CAMTA1: variants seen among roughly 807,000 people sequenced by gnomAD.
The protein encoded by CAMTA1 is calmodulin binding transcription activator 1, also known as calmodulin-binding transcription activator 1.
Under a neutral mutation model 170.9 loss-of-function variants are expected in CAMTA1, and 27 were observed. The observed-to-expected ratio is 0.16, with a 90% CI of 0.12 to 0.22. The LOEUF is 0.22. Ranked by LOEUF, CAMTA1 falls within the 10% of genes least tolerant of loss-of-function variation. The probability of loss-of-function intolerance (pLI) is 1.00; values close to 1 mark genes in which losing one functional copy is unlikely to be tolerated. For missense variants in CAMTA1, 1,619 were observed against 2,217.2 expected (o/e 0.73, Z 5.42); for synonymous variants, 833 against 891.5 (o/e 0.93, Z 1.17).
At chr1:7,483,092 G>A (rs2149642243) in intron 6 of CAMTA1, among the ~76,000 whole-genome samples, 1 of 152,284 alleles carries the variant, frequency 6.6e-6, no homozygotes, top group South Asian at 2.1e-4. Context: ...TCAGGAAGCT[G>A]GGCCCCAGCA....
chr1:7,445,591 G>T (rs2092660089), intron 5 of CAMTA1, among the ~76,000 whole-genome samples: 1 of 152,184 alleles, frequency 6.6e-6, no homozygotes, highest in Admixed American at 6.5e-5. Context: ...TCCCCTCCCA[G>T]GTGGAAAGAC....
chr1:6,937,317 AC>A, intron 3 of CAMTA1, among the ~76,000 whole-genome samples: 1 of 148,954 alleles, frequency 6.7e-6, no homozygotes, highest in South Asian at 2.1e-4. Flanking sequence ...CACCATCATC[AC>A]CATCACCATC....
In CAMTA1 at chr1:6,934,524, A is replaced by C. The variant is rs989535040; in HGVS notation, c.234+109314A>C. On this transcript the variant is annotated intron_variant, in intron 3 of 22. Coordinates refer to ENST00000303635, the MANE Select transcript of CAMTA1 (RefSeq NM_015215.4). This position sits in a 1 kb window ranked among gnomAD's most constrained non-coding sequence, Gnocchi z 4.5. ...ATTCCTTTGAGGAGGAGAGAAAAGGAACTTGGCCACTGTGGACCCGCTTGG... is the reference window on the plus strand; with the variant it reads ...ATTCCTTTGAGGAGGAGAGAAAAGGCACTTGGCCACTGTGGACCCGCTTGG... Among the ~76,000 whole-genome samples, 1 of 152,030 alleles carries C rather than the reference A, an allele frequency of 6.6e-6. No individual in the cohort carries two copies. The highest frequency in any genetic ancestry group is 6.6e-5 in the Admixed American group (1 of 15,256).
At chr1:7,071,718 T>C (rs893642770) in intron 3 of CAMTA1, among the ~76,000 whole-genome samples, 1 of 152,224 alleles carries the variant, frequency 6.6e-6, no homozygotes, top group Admixed American at 6.5e-5. Flanking sequence ...TGGGCTCCTA[T>C]TGGATCATTC....
intron 6 of CAMTA1, among the ~76,000 whole-genome samples, chr1:7,487,471 C>A (rs761936675): frequency 6.6e-6 from 1 of 152,246 alleles, no homozygotes; most frequent in Non-Finnish European, 1.5e-5. Flanking sequence ...TATTGCACTG[C>A]AGTGGCATTT....
chr1:7,523,879 T>C (rs770564987), intron 6 of CAMTA1, among the ~76,000 whole-genome samples: 106 of 136,948 alleles, frequency 7.7e-4, no homozygotes, highest in Middle Eastern at 5.7e-3. Context: ...TGAGACTCTA[T>C]CTCGAAAAAA....
At chr1:7,357,405 T>G (rs1252643778) in intron 5 of CAMTA1, among the ~76,000 whole-genome samples, 1 of 152,192 alleles carries the variant, frequency 6.6e-6, no homozygotes, top group Non-Finnish European at 1.5e-5. Context: ...GGAACTGAGT[T>G]GCCCCCTTGC....
chr1:6,865,529 C>CCT (rs1666296160), intron 3 of CAMTA1, among the ~76,000 whole-genome samples: 1 of 152,190 alleles, frequency 6.6e-6, no homozygotes, highest in Non-Finnish European at 1.5e-5. Context: ...TTGAGCTTAA[C>CCT]CTCTACCCGT....
chr1:7,254,844 C>T lies in CAMTA1; in HGVS notation c.438+5218C>T, dbSNP rs185286804. On this transcript the variant is annotated intron_variant, in intron 5 of 22. Transcript: ENST00000303635. ...GCCACTGGAAAACATTTTAAATAGC[C>T]AGCCATGAACATGTATGGTGCCCAA... Among the ~76,000 whole-genome samples the T allele has an allele frequency of 5.5e-4, 84 of 152,242 alleles. 1 individual carries two copies. The highest frequency in any genetic ancestry group is 8.5e-4 in the Admixed American group (13 of 15,284).
intron 5 of CAMTA1, among the ~76,000 whole-genome samples, chr1:7,377,808 C>T (rs1242054610): frequency 6.6e-6 from 1 of 152,074 alleles, no homozygotes; most frequent in African/African-American, 2.4e-5. Context: ...GTAATCCCAG[C>T]TACAGGGGAG....
intron 1 of CAMTA1, among the ~76,000 whole-genome samples, chr1:6,789,029 T>C (rs937562967): frequency 5.3e-5 from 8 of 152,202 alleles, no homozygotes; most frequent in African/African-American, 1.9e-4. Context: ...ACCTCCAGTT[T>C]TTGGGACTAG....
intron 6 of CAMTA1, among the ~76,000 whole-genome samples, chr1:7,574,219 G>A (rs1576164024): frequency 7.0e-6 from 1 of 143,608 alleles, no homozygotes; most frequent in African/African-American, 3.0e-5. Flanking sequence ...CGAGCTCTGA[G>A]CCAAGGGCTG....
intron 4 of CAMTA1, among the ~76,000 whole-genome samples, chr1:7,148,044 AC>A (rs1276291865): frequency 6.6e-6 from 1 of 151,672 alleles, no homozygotes; most frequent in Non-Finnish European, 1.5e-5. Flanking sequence ...ACACTCATAC[AC>A]CATGCACGTA....
At chr1:7,429,310 C>G (rs556028247) in intron 5 of CAMTA1, among the ~76,000 whole-genome samples, 1 of 152,122 alleles carries the variant, frequency 6.6e-6, no homozygotes, top group African/African-American at 2.4e-5. Context: ...TTTAAGTGTT[C>G]AACACATGGA....
intron 5 of CAMTA1, among the ~76,000 whole-genome samples, chr1:7,362,322 G>A (rs1291629620): frequency 6.6e-6 from 1 of 152,102 alleles, no homozygotes; most frequent in African/African-American, 2.4e-5. Context: ...GGGTAGAACT[G>A]GTGGACTTGA....
intron 7 of CAMTA1, among the ~76,000 whole-genome samples, chr1:7,659,589 T>C (rs1019274358): frequency 2.6e-5 from 4 of 152,112 alleles, no homozygotes; most frequent in African/African-American, 9.7e-5. Context: ...GGGAGAGCTC[T>C]ACACCCAGGA....
chr1:6,860,289 T>G (rs576467354), intron 3 of CAMTA1, among the ~76,000 whole-genome samples: 17 of 152,316 alleles, frequency 1.1e-4, no homozygotes, highest in African/African-American at 3.4e-4. Flanking sequence ...TTCTTCTTTG[T>G]TTTGAATTTT....
intron 3 of CAMTA1, among the ~76,000 whole-genome samples, chr1:6,913,442 A>G (rs553004742): frequency 2.2e-4 from 34 of 152,252 alleles, no homozygotes; most frequent in Non-Finnish European, 4.0e-4. Flanking sequence ...CAGCAGAGCC[A>G]TCATGGTAAC....
At chr1:7,169,033 T>C (rs1382895416) in intron 4 of CAMTA1, among the ~76,000 whole-genome samples, 1 of 152,226 alleles carries the variant, frequency 6.6e-6, no homozygotes, top group African/African-American at 2.4e-5. Flanking sequence ...ATGCTTTTAA[T>C]GTCACTAGTA....
Sources: allele counts gnomAD v4.1 joint callset (sites outside exome capture counted in the v4.1 genomes callset), GRCh38; gene constraint gnomAD v4.1.1; non-coding constraint Gnocchi (gnomAD v3.1); transcripts MANE v1.5; gene names NCBI Gene and HGNC (gene_info 2026-07-23, HGNC 2026-07-21).